OXCT1: variants seen among roughly 807,000 people sequenced by gnomAD.
OXCT1 encodes 3-oxoacid CoA-transferase 1.
A neutral mutation model predicts 69.6 loss-of-function variants in OXCT1; 27 were observed. The ratio of observed to expected loss-of-function variants is 0.39; its 90% CI spans 0.29 to 0.54. The LOEUF (loss-of-function observed/expected upper bound fraction) is 0.54. Ranked by LOEUF, OXCT1 falls within the 20% of genes least tolerant of loss-of-function variation. OXCT1 has a pLI of 0.72. For missense variants in OXCT1, 437 were observed against 650.2 expected, an observed-to-expected ratio of 0.67 and a Z score of 3.57; for synonymous variants, 202 against 217.8, an observed-to-expected ratio of 0.93 and a Z score of 0.64.
Position 41,731,039 on chromosome 5 carries a change from T to C in OXCT1, c.*690A>G, listed in dbSNP as rs1472942341. 3 of 152,426 alleles carry C rather than the reference T, an allele frequency of 2.0e-5. No individual in the cohort carries two copies. The highest frequency in any genetic ancestry group is 2.9e-5 in the Non-Finnish European group (2 of 68,206). The allele number at this position is 152,426 out of a possible 1,614,324, so 9.4% of individuals were successfully genotyped here. A position where few individuals can be genotyped will look rare whatever the true frequency, so the allele number is the denominator to read the frequency against. ...GACCCTTGAGGATACAAAGGAATACTGGGCTGTTTTAAAATGAGAAAACTG... is the reference window on the plus strand; with the variant it reads ...GACCCTTGAGGATACAAAGGAATACCGGGCTGTTTTAAAATGAGAAAACTG... On this transcript the variant is annotated 3_prime_UTR_variant, in exon 17 of 17. Transcript: ENST00000196371.
intron 5 of OXCT1, among the ~76,000 whole-genome samples, chr5:41,846,301 TC>T (rs1001160188): frequency 8.8e-6 from 1 of 113,000 alleles, no homozygotes. Context: ...CCCACAACAG[TC>T]CCCAGAGTGT....
At chr5:41,853,141 C>T (rs1187495692) in intron 4 of OXCT1, among the ~76,000 whole-genome samples, 1 of 152,018 alleles carries the variant, frequency 6.6e-6, no homozygotes. Flanking sequence ...CCAGCAAATC[C>T]TTTTGTATGC....
chr5:41,808,878 G>C (rs957047134), intron 7 of OXCT1, among the ~76,000 whole-genome samples: 6 of 152,052 alleles, frequency 3.9e-5, no homozygotes, highest in Non-Finnish European at 1.5e-5. Context: ...CTTCAAAGAA[G>C]TTCTTGACTT....
chr5:41,765,767 A>G (rs1383640648), intron 13 of OXCT1, among the ~76,000 whole-genome samples: 1 of 152,158 alleles, frequency 6.6e-6, no homozygotes, highest in African/African-American at 2.4e-5. Context: ...TGCTGAGTGA[A>G]TAAAATGAGT....
At chr5:41,846,988 G>A (rs560934262) in intron 5 of OXCT1, among the ~76,000 whole-genome samples, 4 of 151,896 alleles carry the variant, frequency 2.6e-5, no homozygotes, top group Non-Finnish European at 4.4e-5. Context: ...TTTTTTTCTT[G>A]TAAATTTGTT....
chr5:41,748,297 A>G (rs991837053), intron 15 of OXCT1, among the ~76,000 whole-genome samples: 2 of 151,996 alleles, frequency 1.3e-5, no homozygotes, highest in Non-Finnish European at 2.9e-5. Context: ...TGAACTGGTA[A>G]GAACAAGGGC....
intron 1 of OXCT1, among the ~76,000 whole-genome samples, chr5:41,864,008 A>G (rs1168289405): frequency 6.6e-6 from 1 of 152,194 alleles, no homozygotes; most frequent in Non-Finnish European, 1.5e-5. Context: ...CATAAAAGGA[A>G]CAAACCATTA....
chr5:41,735,173 G>T (rs1201237382), intron 16 of OXCT1, among the ~76,000 whole-genome samples: 1 of 152,192 alleles, frequency 6.6e-6, no homozygotes, highest in Non-Finnish European at 1.5e-5. Context: ...ATTCACAGTA[G>T]CCAAGTGGTG....
intron 7 of OXCT1, among the ~76,000 whole-genome samples, chr5:41,837,115 C>A: frequency 6.6e-6 from 1 of 152,152 alleles, no homozygotes; most frequent in East Asian, 1.9e-4. Flanking sequence ...AATCTTAGTA[C>A]TTTAAATATT....
intron 15 of OXCT1, among the ~76,000 whole-genome samples, chr5:41,741,909 A>C (rs748979394): frequency 2.0e-5 from 3 of 152,234 alleles, no homozygotes; most frequent in Non-Finnish European, 4.4e-5. Context: ...CAAAATGACA[A>C]TTAAATTTTT....
At position 41,731,671 on chromosome 5, in the gene OXCT1, A is replaced by T; in HGVS notation, c.*58T>A. The T allele has an allele frequency of 6.4e-7, 1 of 1,565,610 alleles. No homozygotes were observed. The highest frequency in any genetic ancestry group is 8.7e-7 in the Non-Finnish European group (1 of 1,152,808). On this transcript the variant is annotated 3_prime_UTR_variant, in exon 17 of 17. Coordinates refer to ENST00000196371, the MANE Select transcript of OXCT1 (RefSeq NM_000436.4). Reference sequence around the variant, plus strand: ...CAATTATGATTATTGATGTCCTTTCAATTAAATCTTGTGTGTTTAAAATGA... The same window carrying T: ...CAATTATGATTATTGATGTCCTTTCTATTAAATCTTGTGTGTTTAAAATGA...
At chr5:41,755,884 C>T (rs902134723) in intron 14 of OXCT1, among the ~76,000 whole-genome samples, 1 of 152,012 alleles carries the variant, frequency 6.6e-6, no homozygotes, top group Non-Finnish European at 1.5e-5. Flanking sequence ...ATTTCCTTTA[C>T]AAGACTGTAA....
intron 16 of OXCT1, among the ~76,000 whole-genome samples, 184 bp downstream of exon 16, chr5:41,739,205 GT>G (rs1743035976): frequency 1.3e-5 from 2 of 152,180 alleles, no homozygotes; most frequent in Non-Finnish European, 2.9e-5. Flanking sequence ...ACCTTGGCCA[GT>G]GAGTCAGAGC....
At chr5:41,794,810 G>T in intron 11 of OXCT1, 61 bp from the exon 12 acceptor site, 1 of 1,550,826 alleles carries the variant, frequency 6.4e-7, no homozygotes, top group Non-Finnish European at 8.8e-7. Flanking sequence ...GTATCATGGT[G>T]AACAGAGGTC....
At chr5:41,853,633 G>T in intron 3 of OXCT1, 79 bp from the exon 4 acceptor site, 1 of 1,462,032 alleles carries the variant, frequency 6.8e-7, no homozygotes, top group South Asian at 1.2e-5. Flanking sequence ...ATAAAACTTT[G>T]TTAATTTAAA....
intron 4 of OXCT1, among the ~76,000 whole-genome samples, chr5:41,851,451 A>G (rs527465162): frequency 1.3e-5 from 2 of 152,258 alleles, no homozygotes; most frequent in South Asian, 4.1e-4. Context: ...TTGCCTTAAA[A>G]TATGTTTTAT....
At chr5:41,752,699 C>T (rs373235203) in intron 14 of OXCT1, among the ~76,000 whole-genome samples, 2 of 152,018 alleles carry the variant, frequency 1.3e-5, no homozygotes, top group Non-Finnish European at 2.9e-5. Flanking sequence ...GTAAGCTATG[C>T]TCATGCCATT....
At chr5:41,776,231 A>C (rs376151185) in intron 13 of OXCT1, among the ~76,000 whole-genome samples, 1 of 151,992 alleles carries the variant, frequency 6.6e-6, no homozygotes, top group East Asian at 1.9e-4. Flanking sequence ...CAAGACTGAC[A>C]AAGTTACGAA....
chr5:41,855,472 G>C (rs1415732505), intron 3 of OXCT1, among the ~76,000 whole-genome samples: 1 of 152,170 alleles, frequency 6.6e-6, no homozygotes, highest in Non-Finnish European at 1.5e-5. Context: ...ATAAGGACCA[G>C]AGTGCTTCCT....
Sources: allele counts gnomAD v4.1 joint callset (sites outside exome capture counted in the v4.1 genomes callset), GRCh38; gene constraint gnomAD v4.1.1; transcripts MANE v1.5; gene names NCBI Gene and HGNC (gene_info 2026-07-23, HGNC 2026-07-21).